Variants in SPG11 observed in about 807,000 individuals in gnomAD.
SPG11 encodes SPG11 vesicle trafficking associated, spatacsin, also known as spatacsin.
Under a neutral mutation model 274.0 loss-of-function variants are expected in SPG11, and 222 were observed. That is an observed-to-expected ratio of 0.81 (90% confidence interval 0.73 to 0.91). The LOEUF is 0.91. Among genes scored for constraint, SPG11 ranks in the 40% least tolerant of loss-of-function variants. SPG11 has a pLI of 0.00. For missense variants in SPG11, 3,114 were observed against 2,872.7 expected (o/e 1.08, Z -1.92); for synonymous variants, 1,144 against 1,039.7 (o/e 1.10, Z -1.93).
chr15:44,611,809 C>CTT (rs71111871), intron 17 of SPG11, among the ~76,000 whole-genome samples: 5,401 of 119,474 alleles, frequency 0.045, 505 homozygotes, highest in Non-Finnish European at 0.065. Context: ...TGGTCACTGT[C>CTT]TTTTTTTTTT....
At position 44,573,626 on chromosome 15, in the gene SPG11, C is replaced by G. The variant is rs1304526167; in HGVS notation, c.6126G>C (p.Gln2042His). The change falls in exon 32 of 40, where the codon CAG (glutamine) becomes CAC (histidine). Residue 2042 changes from glutamine to histidine, a missense_variant. Gln to His is a conservative substitution (Grantham distance 24, BLOSUM62 0). Transcript: ENST00000261866. ...CKRAQAFIST[Q>H]GLKPDTVAEL... is the part of the protein sequence containing the mutation. Reference sequence around the variant, plus strand: ...CAGCCACAGTATCTGGCTTAAGGCCCTGTGTGCTGATGAAGGCCTGGGCTC... The same window carrying G: ...CAGCCACAGTATCTGGCTTAAGGCCGTGTGTGCTGATGAAGGCCTGGGCTC... The G allele has an allele frequency of 1.9e-6, 3 of 1,614,184 alleles. No homozygotes were observed. The highest frequency in any genetic ancestry group is 2.5e-6 in the Non-Finnish European group (3 of 1,180,032).
chr15:44,584,129 T>G lies in SPG11; in HGVS notation c.5551A>C (p.Thr1851Pro), dbSNP rs2082709424. The change falls in exon 30 of 40, where the codon ACA becomes CCA. Residue 1851 changes from threonine (T) to proline (P), a missense_variant. Physicochemically the swap from Thr to Pro is conservative, Grantham distance 38. Transcript: ENST00000261866. ...CTGTTAAGTTCTAAGTATTTTGATG[T>G]GTTCAGAGCAGCCAACTTGGAGAAG... ...FSFSKLAALN[T>P]SKYLELNSLP... 6 of 1,614,228 alleles carry G rather than the reference T, an allele frequency of 3.7e-6. No homozygotes were observed. The highest frequency in any genetic ancestry group is 5.1e-6 in the Non-Finnish European group (6 of 1,180,034).
intron 7 of SPG11, 119 bp downstream of exon 7, chr15:44,648,747 T>C: frequency 3.4e-6 from 4 of 1,180,370 alleles, no homozygotes; most frequent in South Asian, 2.5e-5. Flanking sequence ...TAAATAGATA[T>C]ACAAAGGCTA....
intron 38 of SPG11, among the ~76,000 whole-genome samples, chr15:44,565,352 G>T (rs1184543206): frequency 6.6e-6 from 1 of 152,200 alleles, no homozygotes; most frequent in Non-Finnish European, 1.5e-5. Flanking sequence ...ACTGGGAGGG[G>T]ATGGTTTCGG....
chr15:44,628,989 A>C (rs907531055), intron 9 of SPG11, 145 bp from the exon 10 acceptor site: 2 of 912,904 alleles, frequency 2.2e-6, no homozygotes, highest in African/African-American at 3.3e-5. Context: ...TCCTTTTTAC[A>C]AGTAAGTAGC....
At chr15:44,593,829 C>A (rs2082963501) in intron 26 of SPG11, among the ~76,000 whole-genome samples, 1 of 151,064 alleles carries the variant, frequency 6.6e-6, no homozygotes, top group African/African-American at 2.4e-5. Flanking sequence ...TCTTGGCTCA[C>A]TGCAACTTCC....
rs916523808 is a variant in SPG11, at chr15:44,598,404, G to A, written c.3893-31C>T. The A allele has an allele frequency of 2.5e-6, 4 of 1,590,622 alleles. No homozygotes were observed. The African/African-American group carries it at 5.4e-5, about 21-fold the overall frequency. ...AGAAATATAAACAACAAAATATGGT[G>A]AAGAGAAAAAGTCAAAACCTGAGCA... On this transcript the variant is annotated intron_variant, in intron 22 of 39. Coordinates refer to ENST00000261866, the MANE Select transcript of SPG11 (RefSeq NM_025137.4).
Position 44,659,179 on chromosome 15 carries a change from G to C in SPG11, c.567C>G (p.Asn189Lys). ...PERDAAIRVL[N>K]CFTLPLPAQA... ...GTGCAGGCAAGGGAAGTGTGAAACA[G>C]TTGAGTACTCTAATTGCAGCATCTC... is the stretch of plus-strand genomic sequence containing the variant. Residue 189 changes from asparagine to lysine, a missense_variant, in exon 3 of 40, where the codon AAC (asparagine) becomes AAG (lysine). Asn to Lys is a moderately conservative substitution (Grantham distance 94, BLOSUM62 0). Transcript: ENST00000261866. 1 of 1,614,228 alleles carries C rather than the reference G, an allele frequency of 6.2e-7. No homozygotes were observed. Among genetic ancestry groups the C allele is most frequent in the Non-Finnish European group, 8.5e-7 (1 of 1,180,034 alleles).
chr15:44,564,452 A>G (rs2082268816), intron 39 of SPG11, 95 bp downstream of exon 39: 2 of 1,249,590 alleles, frequency 1.6e-6, no homozygotes, highest in African/African-American at 3.0e-5. Flanking sequence ...GAGGTAATCT[A>G]AAGGCATGGT....
At chr15:44,634,010 T>C (rs1336697870) in intron 7 of SPG11, among the ~76,000 whole-genome samples, 6 of 152,110 alleles carry the variant, frequency 3.9e-5, no homozygotes, top group Admixed American at 3.9e-4. Context: ...GGCTAAATTT[T>C]GTATTTTTAG....
intron 13 of SPG11, 72 bp downstream of exon 13, chr15:44,622,148 T>C (rs1162809228): frequency 1.3e-6 from 2 of 1,524,672 alleles, no homozygotes; most frequent in Non-Finnish European, 9.1e-7. Flanking sequence ...AAACTTGTGT[T>C]CACTAACAAC....
chr15:44,605,281 G>T (rs1241803338), intron 20 of SPG11, among the ~76,000 whole-genome samples: 1 of 152,114 alleles, frequency 6.6e-6, no homozygotes, highest in African/African-American at 2.4e-5. Context: ...CTGTAGGCTT[G>T]GCATGCATTG....
rs2083703510 is a variant in SPG11, at chr15:44,620,238, G to A, written c.2786C>T (p.Thr929Ile). 1.9e-6 allele frequency: 3 copies of A among 1,613,920 alleles called. No individual in the cohort carries two copies. The highest frequency in any genetic ancestry group is 2.7e-5 in the African/African-American group (2 of 74,894). ...LLTVDVINQNTSCNNYMRNEI... is the reference protein window; with the variant it reads ...LLTVDVINQNISCNNYMRNEI... ...ATTCCTCATGTAGTTGTTACAGGAA[G>A]TATTCTGGTTAATAACATCAACAGT... The change falls in exon 15 of 40, where the codon ACT becomes ATT. Residue 929 changes from threonine to isoleucine, a missense_variant. By Grantham distance (89) the Thr-to-Ile change is moderately conservative. Coordinates refer to ENST00000261866, the MANE Select transcript of SPG11 (RefSeq NM_025137.4).
intron 28 of SPG11, among the ~76,000 whole-genome samples, chr15:44,586,147 G>A (rs1439342904): frequency 6.6e-6 from 1 of 151,682 alleles, no homozygotes; most frequent in Non-Finnish European, 1.5e-5. Flanking sequence ...ACCACACCTG[G>A]CTAATTTTTG....
chr15:44,566,409 T>G (rs1034619753), intron 36 of SPG11, 104 bp from the exon 37 acceptor site: 1 of 1,157,150 alleles, frequency 8.6e-7, no homozygotes, highest in Non-Finnish European at 1.3e-6. Flanking sequence ...CCCAGCCATG[T>G]TCACAGGCAG....
In SPG11 at chr15:44,652,252, T is replaced by C. The variant is rs1282092296; in HGVS notation, c.884A>G (p.His295Arg). 1 of 1,614,070 alleles carries C rather than the reference T, an allele frequency of 6.2e-7. No individual in the cohort carries two copies. The highest frequency in any genetic ancestry group is 8.5e-7 in the Non-Finnish European group (1 of 1,180,006). ...LNLYFRQHPG[H>R]LLCERILEDL... ...TTCTAGTATTCTTTCACACAGTAGG[T>C]GTCCTGGGTGTTGCCTACATTTAAA... Residue 295 changes from histidine to arginine, a missense_variant, in exon 5 of 40, where the codon CAC (histidine) becomes CGC (arginine). By Grantham distance (29) the His-to-Arg change is conservative. Transcript: ENST00000261866.
chr15:44,574,580 A>G (rs2082494456), intron 31 of SPG11, among the ~76,000 whole-genome samples: 1 of 152,144 alleles, frequency 6.6e-6, no homozygotes, highest in South Asian at 2.1e-4. Flanking sequence ...CCACACAATC[A>G]TAATGCAAAA....
At chr15:44,605,679 A>C (rs1301070811) in intron 20 of SPG11, among the ~76,000 whole-genome samples, 1 of 152,240 alleles carries the variant, frequency 6.6e-6, no homozygotes, top group Admixed American at 6.5e-5. Flanking sequence ...AAGGTCATAC[A>C]GGTATTAATT....
chr15:44,590,096 C>T (rs984028820), intron 27 of SPG11, among the ~76,000 whole-genome samples: 3 of 152,098 alleles, frequency 2.0e-5, no homozygotes, highest in Admixed American at 1.3e-4. Context: ...CGTAAGCCAC[C>T]GTGCCTGGCC....
Sources: gnomAD v4.1 joint callset for allele counts (sites outside exome capture counted in the v4.1 genomes callset) on GRCh38, gnomAD v4.1.1 for gene constraint, MANE v1.5 for transcripts, NCBI Gene and HGNC (gene_info 2026-07-23, HGNC 2026-07-21) for gene names.